Variants in WNK3 observed in about 807,000 individuals in gnomAD.
WNK3 encodes serine/threonine-protein kinase WNK3.
WNK3 carries 18 observed loss-of-function variants against 116.7 expected under a neutral mutation model. The ratio of observed to expected loss-of-function variants is 0.15; its 90% CI spans 0.11 to 0.23. The LOEUF is 0.23. Ranked by LOEUF, WNK3 falls within the 10% of genes least tolerant of loss-of-function variation. The pLI is 1.00. For missense variants in WNK3, 993 were observed against 1,323.8 expected, an observed-to-expected ratio of 0.75 and a Z score of 3.88; for synonymous variants, 404 against 469.4, an observed-to-expected ratio of 0.86 and a Z score of 1.80.
chrX:54,306,796 A>G (rs188301825), intron 5 of WNK3, among the ~76,000 whole-genome samples: 1 of 111,475 alleles, frequency 9.0e-6, no homozygotes, highest in African/African-American at 3.3e-5. Context: ...CAAATGTCTT[A>G]CCACACAAAA....
chrX:54,293,184 G>T, exon 9 of WNK3: 1 of 1,209,569 alleles, frequency 8.3e-7, no homozygotes, highest in South Asian at 1.8e-5. Flanking sequence ...GAATAAATTT[G>T]CCCTGGAACA....
chrX:54,260,990 A>C (rs1557156587), intron 10 of WNK3, among the ~76,000 whole-genome samples: 1 of 108,269 alleles, frequency 9.2e-6, no homozygotes, highest in Non-Finnish European at 1.9e-5. Flanking sequence ...TTGGCCTCCC[A>C]AAGTGCTAGG....
intron 17 of WNK3, among the ~76,000 whole-genome samples, chrX:54,242,116 C>T (rs1172209906): frequency 1.8e-5 from 2 of 111,390 alleles, no homozygotes; most frequent in African/African-American, 6.5e-5. Flanking sequence ...TTGGAGGATA[C>T]ATCAACACAT....
intron 10 of WNK3, among the ~76,000 whole-genome samples, chrX:54,261,234 C>T (rs1182586311): frequency 1.8e-5 from 2 of 109,796 alleles, no homozygotes; most frequent in African/African-American, 3.3e-5. Flanking sequence ...GATTACACCA[C>T]TGCAGTCCAA....
intron 1 of WNK3, among the ~76,000 whole-genome samples, chrX:54,346,988 A>C (rs782555264): frequency 7.1e-5 from 8 of 112,050 alleles, no homozygotes; most frequent in Non-Finnish European, 1.5e-4. Flanking sequence ...TGGCATTGCC[A>C]AAGGGATATG....
chrX:54,333,534 G>A (rs939905882), exon 2 of WNK3: 1 of 1,209,805 alleles, frequency 8.3e-7, no homozygotes, highest in East Asian at 3.0e-5. Context: ...CCCAGAAGCA[G>A]AGAAGGTACT....
At chrX:54,247,333 A>T (rs1425911583) in intron 17 of WNK3, among the ~76,000 whole-genome samples, 3 of 111,377 alleles carry the variant, frequency 2.7e-5, no homozygotes, top group East Asian at 2.8e-4. Flanking sequence ...AAAATAATTT[A>T]AAAAATTTTT....
At chrX:54,253,122 T>C (rs1305616792) in intron 13 of WNK3, among the ~76,000 whole-genome samples, 1 of 108,689 alleles carries the variant, frequency 9.2e-6, no homozygotes, top group African/African-American at 3.3e-5. Context: ...ACACATTGTA[T>C]ACCTACATCG....
chrX:54,228,586 T>C (rs1351562851), intron 22 of WNK3, 128 bp downstream of exon 22: 1 of 331,686 alleles, frequency 3.0e-6, no homozygotes, highest in Non-Finnish European at 5.5e-6. Context: ...AATCAAATTG[T>C]GGTAATAGCT....
intron 22 of WNK3, among the ~76,000 whole-genome samples, chrX:54,217,843 A>C (rs1161873118): frequency 9.0e-6 from 1 of 111,460 alleles, no homozygotes; most frequent in Non-Finnish European, 1.9e-5. Flanking sequence ...AAAATCACTA[A>C]ATAATTAGCA....
intron 21 of WNK3, 103 bp from the exon 22 acceptor site, chrX:54,228,846 G>C: frequency 2.6e-6 from 1 of 391,731 alleles, no homozygotes; most frequent in Non-Finnish European, 4.6e-6. Flanking sequence ...ATTAATAAAG[G>C]GCATATACGA....
At chrX:54,224,858 C>T (rs868929729) in intron 22 of WNK3, among the ~76,000 whole-genome samples, 3 of 110,803 alleles carry the variant, frequency 2.7e-5, no homozygotes, top group Admixed American at 9.6e-5. Flanking sequence ...CGTGAGCCAC[C>T]GTGCCCTGCC....
chrX:54,257,818 A>G (rs1209188132), intron 11 of WNK3, among the ~76,000 whole-genome samples: 1 of 101,609 alleles, frequency 9.8e-6, no homozygotes, highest in Non-Finnish European at 2.0e-5. Context: ...AAAAAAAAAG[A>G]CTTAAATAGG....
intron 1 of WNK3, among the ~76,000 whole-genome samples, chrX:54,335,003 G>A (rs913414019): frequency 1.8e-4 from 20 of 111,558 alleles, no homozygotes; most frequent in African/African-American, 6.2e-4. Flanking sequence ...GCTCACACCT[G>A]TAATCCCAGC....
At chrX:54,203,926 A>G (rs1463847784) in intron 22 of WNK3, among the ~76,000 whole-genome samples, 5 of 110,292 alleles carry the variant, frequency 4.5e-5, no homozygotes, top group Non-Finnish European at 7.6e-5. Context: ...CAGCCTGGGC[A>G]ACAGAGCAAG....
chrX:54,273,289 A>G (rs1557159843), intron 10 of WNK3, among the ~76,000 whole-genome samples: 1 of 112,313 alleles, frequency 8.9e-6, no homozygotes, highest in African/African-American at 3.2e-5. Context: ...AACAGAAATT[A>G]TTACTTTAAA....
chrX:54,216,412 A>G lies in WNK3; in HGVS notation c.4870+12302T>C, dbSNP rs782794830. Among the ~76,000 whole-genome samples, 169 of 109,258 alleles carry G rather than the reference A, an allele frequency of 1.5e-3. 1 individual carries two copies. The Middle Eastern group carries it at 0.028, about 18-fold the overall frequency. The allele number at this position is 109,258 out of a possible 115,157, so 94.9% of individuals were successfully genotyped here. On this transcript the variant is annotated intron_variant, in intron 22 of 23. Coordinates refer to ENST00000354646, the Ensembl canonical transcript of WNK3. Reference sequence around the variant, plus strand: ...CCTGGCAGTGGAAGAGCATAGTGGGATGGAGAGTAGGGGGCTACCTGCAAG... The same window carrying G: ...CCTGGCAGTGGAAGAGCATAGTGGGGTGGAGAGTAGGGGGCTACCTGCAAG...
At chrX:54,326,306 G>A (rs2069104123) in intron 2 of WNK3, among the ~76,000 whole-genome samples, 1 of 110,726 alleles carries the variant, frequency 9.0e-6, no homozygotes, top group Admixed American at 9.7e-5. Flanking sequence ...TAGCCAGGAT[G>A]GTCTCAATCT....
At position 54,246,898 on chromosome X, in the gene WNK3, T is replaced by TA. The variant is rs1557152804; in HGVS notation, c.3651+1798dup. Among the ~76,000 whole-genome samples the TA allele has an allele frequency of 2.7e-5, 3 of 111,173 alleles. No homozygotes were observed. In the Admixed American group the frequency reaches 2.9e-4, roughly 11 times the overall value. Reference sequence around the variant, plus strand: ...TGGTCTAGAGTAAAAACAGGTTACCTACAAATGAATGATAAACAACTGACA... The same window carrying TA: ...TGGTCTAGAGTAAAAACAGGTTACCTAACAAATGAATGATAAACAACTGACA... On this transcript the variant is annotated intron_variant, in intron 17 of 23. Coordinates refer to ENST00000354646, the Ensembl canonical transcript of WNK3.
Sources: allele counts gnomAD v4.1 joint callset (sites outside exome capture counted in the v4.1 genomes callset), GRCh38; gene constraint gnomAD v4.1.1; transcripts MANE v1.5; gene names NCBI Gene and HGNC (gene_info 2026-07-23, HGNC 2026-07-21).